Variants in GHR observed in about 807,000 individuals in gnomAD.
GHR encodes growth hormone receptor, also known as GH receptor.
GHR carries 35 observed loss-of-function variants against 67.1 expected under a neutral mutation model. The observed-to-expected ratio is 0.52, with a 90% CI of 0.40 to 0.69. The LOEUF (loss-of-function observed/expected upper bound fraction) is 0.69, where lower values mean the gene tolerates loss of function less well. GHR is among the 30% of genes least tolerant of loss of function. GHR has a pLI of 0.00. For missense variants in GHR, 792 were observed against 764.6 expected, an observed-to-expected ratio of 1.04 and a Z score of -0.42; for synonymous variants, 272 against 269.1, an observed-to-expected ratio of 1.01 and a Z score of -0.10.
At chr5:42,615,243 A>AT (rs966354353) in intron 2 of GHR, among the ~76,000 whole-genome samples, 1 of 151,768 alleles carries the variant, frequency 6.6e-6, no homozygotes, top group Non-Finnish European at 1.5e-5. Flanking sequence ...AAAAATAAGG[A>AT]TTTTTTTTCT....
intron 4 of GHR, among the ~76,000 whole-genome samples, chr5:42,689,385 T>A (rs1009483052): frequency 6.6e-6 from 1 of 152,088 alleles, no homozygotes; most frequent in South Asian, 2.1e-4. Flanking sequence ...TGTATGTGCA[T>A]GAGAATGTGT....
intron 4 of GHR, 35 bp from the exon 5 acceptor site, chr5:42,694,882 G>A (rs749679374): frequency 6.7e-7 from 1 of 1,503,594 alleles, no homozygotes; most frequent in Non-Finnish European, 9.3e-7. Flanking sequence ...CATGATTTTT[G>A]GAACAATTAA....
chr5:42,443,302 G>T (rs187778949), intron 1 of GHR, among the ~76,000 whole-genome samples: 177 of 152,280 alleles, frequency 1.2e-3, no homozygotes, highest in African/African-American at 3.8e-3. Flanking sequence ...ATCACTGCCA[G>T]ATTTCCTAGT....
At chr5:42,610,736 G>T (rs1004177485) in intron 2 of GHR, among the ~76,000 whole-genome samples, 38 of 152,132 alleles carry the variant, frequency 2.5e-4, no homozygotes, top group African/African-American at 8.2e-4. Flanking sequence ...AAGAGGTAGG[G>T]AGGGAGGGAA....
chr5:42,468,112 A>T, intron 1 of GHR: 1 of 1,166,084 alleles, frequency 8.6e-7, no homozygotes, highest in East Asian at 2.3e-5. Context: ...CCAGTAACTG[A>T]AGGTTCTTGG....
intron 6 of GHR, among the ~76,000 whole-genome samples, chr5:42,702,939 T>C (rs1758000064): frequency 6.6e-6 from 1 of 152,088 alleles, no homozygotes; most frequent in Non-Finnish European, 1.5e-5. Context: ...TTGTTTTAGT[T>C]CCTTATATAT....
At chr5:42,696,346 A>G (rs966628019) in intron 5 of GHR, among the ~76,000 whole-genome samples, 6 of 152,210 alleles carry the variant, frequency 3.9e-5, no homozygotes, top group Admixed American at 6.5e-5. Flanking sequence ...AGAGCTGCAA[A>G]GGTGGTGGCC....
intron 3 of GHR, among the ~76,000 whole-genome samples, chr5:42,681,691 CT>C (rs1446565560): frequency 6.6e-6 from 1 of 152,132 alleles, no homozygotes; most frequent in Non-Finnish European, 1.5e-5. Context: ...AATCCCAGCA[CT>C]TTGGGAGGCT....
At chr5:42,478,159 G>T (rs563618037) in intron 1 of GHR, among the ~76,000 whole-genome samples, 1 of 152,216 alleles carries the variant, frequency 6.6e-6, no homozygotes, top group East Asian at 1.9e-4. Flanking sequence ...CCCATTTCTT[G>T]TTTTTGTCAG....
chr5:42,514,407 T>G lies in GHR; in HGVS notation c.-11-51457T>G, dbSNP rs4130114. The G allele has an allele frequency of 0.45, 348,260 of 779,924 alleles. 78,587 individuals carry two copies. Among genetic ancestry groups the G allele is most frequent in the Middle Eastern group, 0.52 (817 of 1,564 alleles). 48.3% of individuals were successfully genotyped at this position (779,924 alleles called of 1,614,324 possible). On this transcript the variant is annotated intron_variant, in intron 1 of 9. Transcript: ENST00000230882. ...TTATAATTTATGACCTTTGAAAAGT[T>G]ACTTATATCTGGGGCTATTCAAACT...
At chr5:42,684,734 T>C (rs1301721759) in intron 3 of GHR, among the ~76,000 whole-genome samples, 1 of 152,134 alleles carries the variant, frequency 6.6e-6, no homozygotes, top group African/African-American at 2.4e-5. Flanking sequence ...TCTCCATTCA[T>C]ACAGGAAAAT....
intron 1 of GHR, among the ~76,000 whole-genome samples, chr5:42,511,343 G>A (rs776997353): frequency 2.0e-5 from 3 of 152,146 alleles, no homozygotes; most frequent in Non-Finnish European, 2.9e-5. Flanking sequence ...TTTCTCCATA[G>A]TATTTATCAT....
At chr5:42,454,512 C>T (rs1190410276) in intron 1 of GHR, among the ~76,000 whole-genome samples, 1 of 152,160 alleles carries the variant, frequency 6.6e-6, no homozygotes, top group Non-Finnish European at 1.5e-5. Flanking sequence ...TGAGCTGAGA[C>T]TCTTCTTGGG....
At chr5:42,468,102 C>G in intron 1 of GHR, 1 of 1,124,944 alleles carries the variant, frequency 8.9e-7, no homozygotes, top group South Asian at 1.4e-5. Flanking sequence ...GTTTTTGGAA[C>G]CAGTAACTGA....
chr5:42,548,339 C>T (rs1185413689), intron 1 of GHR: 5 of 985,142 alleles, frequency 5.1e-6, no homozygotes, highest in Non-Finnish European at 4.8e-6. Flanking sequence ...CAAGTGGTAA[C>T]CAAGAAACTT....
At chr5:42,468,446 G>C in intron 1 of GHR, 6 of 895,326 alleles carry the variant, frequency 6.7e-6, no homozygotes, top group Non-Finnish European at 1.0e-5. Context: ...GATGAGTATT[G>C]CCTACGTGCG....
intron 1 of GHR, among the ~76,000 whole-genome samples, chr5:42,443,776 G>A (rs2111966739): frequency 6.6e-6 from 1 of 152,176 alleles, no homozygotes. Context: ...CCTTTGCTTG[G>A]GAGGTCAGTC....
At chr5:42,565,674 T>G in intron 1 of GHR, 190 bp from the exon 2 acceptor site, 1 of 985,342 alleles carries the variant, frequency 1.0e-6, no homozygotes, top group Non-Finnish European at 1.2e-6. Context: ...TAGAATTTAT[T>G]ACAACCTGCT....
chr5:42,465,920 G>A (rs1744709532), intron 1 of GHR: 1 of 704,478 alleles, frequency 1.4e-6, no homozygotes, highest in Admixed American at 2.1e-5. Flanking sequence ...TTCACAAGGT[G>A]GTCTCCTTTC....
Sources: allele counts gnomAD v4.1 joint callset (sites outside exome capture counted in the v4.1 genomes callset), GRCh38; gene constraint gnomAD v4.1.1; transcripts MANE v1.5; gene names NCBI Gene and HGNC (gene_info 2026-07-23, HGNC 2026-07-21).